Variants in SLC22A12 observed in about 807,000 individuals in gnomAD.
The protein encoded by SLC22A12 is organic anion transporter 4-like protein.
A neutral mutation model predicts 52.7 loss-of-function variants in SLC22A12; 56 were observed. That is an observed-to-expected ratio of 1.06 (90% CI 0.86 to 1.33). The LOEUF is 1.33. Among genes scored for constraint, SLC22A12 ranks in the 40% most tolerant of loss-of-function variants. SLC22A12 has a pLI of 0.00. For missense variants in SLC22A12, 683 were observed against 741.5 expected, an observed-to-expected ratio of 0.92 and a Z score of 0.92; for synonymous variants, 337 against 324.6, an observed-to-expected ratio of 1.04 and a Z score of -0.41.
chr11:64,602,031 C>A lies in SLC22A12; in HGVS notation c.*480C>A. 1 of 245,918 alleles carries A rather than the reference C, an allele frequency of 4.1e-6. No homozygotes were observed. Among genetic ancestry groups the A allele is most frequent in the Non-Finnish European group, 8.0e-6 (1 of 124,232 alleles). The allele number at this position is 245,918 out of a possible 1,614,324, so 15.2% of individuals were successfully genotyped here. ...AAGCCCTGTAAGCCTGGCCCCTGGCCCCTCCCCATGTCCCTCCAGGCCTCA... is the reference window on the plus strand; with the variant it reads ...AAGCCCTGTAAGCCTGGCCCCTGGCACCTCCCCATGTCCCTCCAGGCCTCA... On this transcript the variant is annotated 3_prime_UTR_variant, in exon 10 of 10. Coordinates refer to ENST00000377574, the MANE Select transcript of SLC22A12 (RefSeq NM_144585.4).
At position 64,601,608 on chromosome 11, in the gene SLC22A12, G is replaced by C; in HGVS notation, c.*57G>C. On this transcript the variant is annotated 3_prime_UTR_variant, in exon 10 of 10. Transcript: ENST00000377574. ...AGGAAGAGACTTCTTCTGTTCTCTG[G>C]AGAAGGCAGGAGGAAAGCAAAGACC... The C allele has an allele frequency of 6.3e-7, 1 of 1,580,374 alleles. No individual in the cohort carries two copies.
intron 2 of SLC22A12, 104 bp from the exon 3 acceptor site, chr11:64,593,301 T>C: frequency 1.3e-6 from 2 of 1,567,804 alleles, no homozygotes; most frequent in Non-Finnish European, 1.7e-6. Context: ...AGTGTCCGCC[T>C]CAGCTCAGCG....
chr11:64,593,733 G>T lies in SLC22A12; in HGVS notation c.760G>T (p.Gly254Cys), dbSNP rs376297536. The change falls in exon 4 of 10, where the codon GGT (glycine) becomes TGT (cysteine). Residue 254 changes from glycine to cysteine, a missense_variant. By Grantham distance (159) the Gly-to-Cys change is radical. Coordinates refer to ENST00000377574, the MANE Select transcript of SLC22A12 (RefSeq NM_144585.4). ...GHGLTAAVAY[G>C]VRDWTLLQLV... ...TGGCCTGACAGCTGCAGTGGCCTAC[G>T]GTGTGCGGGACTGGACACTGCTGCA... is the stretch of plus-strand genomic sequence containing the variant. 1.2e-6 allele frequency: 2 copies of T among 1,613,590 alleles called. No homozygotes were observed. The highest frequency in any genetic ancestry group is 1.7e-6 in the Non-Finnish European group (2 of 1,180,034).
intron 4 of SLC22A12, among the ~76,000 whole-genome samples, chr11:64,597,425 A>G (rs1243634237): frequency 1.3e-5 from 2 of 151,994 alleles, no homozygotes; most frequent in African/African-American, 4.8e-5. Context: ...ATCCCCACAC[A>G]CATCTCCTTA....
At position 64,593,645 on chromosome 11, in the gene SLC22A12, G is replaced by A; in HGVS notation, c.672G>A (p.Trp224Ter). ...MMNTGTLLME[W>*]TAARARPLVM... ...TCGGTCTCCTTGCAGTGATGGAGTG[G>A]ACGGCGGCACGGGCCCGACCCTTGG... Residue 224 changes from tryptophan to a stop codon, truncating the protein, a stop_gained, in exon 4 of 10, where the codon TGG becomes TGA. Coordinates refer to ENST00000377574, the MANE Select transcript of SLC22A12 (RefSeq NM_144585.4). LOFTEE classifies it high-confidence loss of function. The A allele has an allele frequency of 1.2e-6, 2 of 1,614,190 alleles. No individual in the cohort carries two copies. The highest frequency in any genetic ancestry group is 1.1e-5 in the South Asian group (1 of 91,090).
Position 64,600,745 on chromosome 11 carries a change from G to A in SLC22A12, c.1405G>A (p.Val469Met), listed in dbSNP as rs1405329512. ...CATCTGCATTGGCAGGATGACGGCA[G>A]TGGGCTTGGGCCAGATGGCAGCCCG... ...LFPTVLRMTAVGLGQMAARGG... is the reference protein window; with the variant it reads ...LFPTVLRMTAMGLGQMAARGG... Residue 469 changes from valine (V) to methionine (M), a missense_variant, in exon 9 of 10, where the codon GTG (valine) becomes ATG (methionine). Val to Met is a conservative substitution (Grantham distance 21). Coordinates refer to ENST00000377574, the MANE Select transcript of SLC22A12 (RefSeq NM_144585.4). The A allele has an allele frequency of 1.9e-6, 3 of 1,604,904 alleles. No homozygotes were observed. The highest frequency in any genetic ancestry group is 1.3e-5 in the African/African-American group (1 of 74,916).
At chr11:64,599,400 G>A (rs901339385) in intron 6 of SLC22A12, among the ~76,000 whole-genome samples, 1 of 152,104 alleles carries the variant, frequency 6.6e-6, no homozygotes, top group African/African-American at 2.4e-5. Flanking sequence ...CCCAAGCAGA[G>A]AGGGAGGCAG....
In SLC22A12 at chr11:64,598,829, G is replaced by A. The variant is rs751170234; in HGVS notation, c.976G>A (p.Glu326Lys). The stretch of plus-strand genomic sequence containing the variant: ...ACAGGTCTTGCTTTCAGCCATGCGG[G>A]AGGAGCTGAGCATGGGCCAGCCTCC... The part of the protein sequence containing the change: ...TPEVLLSAMR[E>K]ELSMGQPPAS... Residue 326 changes from glutamate (E) to lysine (K), a missense_variant, in exon 6 of 10, where the codon GAG becomes AAG. By Grantham distance (56) the Glu-to-Lys change is moderately conservative. Coordinates refer to ENST00000377574, the MANE Select transcript of SLC22A12 (RefSeq NM_144585.4). 2 of 1,612,532 alleles carry A rather than the reference G, an allele frequency of 1.2e-6. No individual in the cohort carries two copies. The highest frequency in any genetic ancestry group is 1.7e-6 in the Non-Finnish European group (2 of 1,179,978).
At chr11:64,593,888 G>A in intron 4 of SLC22A12, 85 bp downstream of exon 4, 7 of 1,537,364 alleles carry the variant, frequency 4.6e-6, no homozygotes, top group Non-Finnish European at 5.2e-6. Context: ...CTTTCCCTGG[G>A]GGCTGGGGAG....
chr11:64,597,623 C>T (rs2039290584), intron 4 of SLC22A12, among the ~76,000 whole-genome samples: 1 of 152,242 alleles, frequency 6.6e-6, no homozygotes, highest in Non-Finnish European at 1.5e-5. Flanking sequence ...CTGCAAATCC[C>T]TAAGGAGCTC....
Position 64,601,567 on chromosome 11 carries a change from GC to G in SLC22A12, c.*17del. 2.5e-6 allele frequency: 4 copies of G among 1,613,458 alleles called. No individual in the cohort carries two copies. The highest frequency in any genetic ancestry group is 3.4e-6 in the Non-Finnish European group (4 of 1,179,616). On this transcript the variant is annotated 3_prime_UTR_variant, in exon 10 of 10. Transcript: ENST00000377574. ...ACAGTTTTAGCCTCCTGGGGAACCTGCGATGGGACGGTCAGAGGAAGAGACT... is the reference window on the plus strand; with the variant it reads ...ACAGTTTTAGCCTCCTGGGGAACCTGGATGGGACGGTCAGAGGAAGAGACT...
Position 64,591,356 on chromosome 11 carries a change from G to T in SLC22A12, c.-201G>T. ...CCTCACGCGGCCTCAGGGCCCAGTT[G>T]GAGCCACCCCAAGTGACACCAGCAG... On this transcript the variant is annotated 5_prime_UTR_variant, in exon 1 of 10. Transcript: ENST00000377574. The T allele has an allele frequency of 1.5e-6, 1 of 682,516 alleles. No individual in the cohort carries two copies. 42.3% of individuals were successfully genotyped at this position (682,516 alleles called of 1,614,324 possible).
At chr11:64,599,591 G>GCCCCCCCCCCCCCCTTTTCC in intron 6 of SLC22A12, 85 bp from the exon 7 acceptor site, 1 of 617,180 alleles carries the variant, frequency 1.6e-6, no homozygotes. Flanking sequence ...CCCACCCTGA[G>GCCCCCCCCCCCCCCTTTTCC]CCCCCACCGC....
At position 64,592,828 on chromosome 11, in the gene SLC22A12, T is replaced by C; in HGVS notation, c.452T>C (p.Ile151Thr). ...GCTCTGAAGCCCATGGCCCAGTCCATCTACCTGGCTGGGATTCTGGTGGGA... is the reference window on the plus strand; with the variant it reads ...GCTCTGAAGCCCATGGCCCAGTCCACCTACCTGGCTGGGATTCTGGTGGGA... ...SHALKPMAQS[I>T]YLAGILVGAA... is the part of the protein sequence containing the mutation. The change falls in exon 2 of 10, where the codon ATC becomes ACC. Residue 151 changes from isoleucine to threonine, a missense_variant. Physicochemically the swap from Ile to Thr is moderately conservative, Grantham distance 89. Transcript: ENST00000377574. 2 of 1,613,966 alleles carry C rather than the reference T, an allele frequency of 1.2e-6. No homozygotes were observed. Among genetic ancestry groups the C allele is most frequent in the Admixed American group, 1.7e-5 (1 of 60,018 alleles).
Position 64,591,495 on chromosome 11 carries a change from T to C in SLC22A12, c.-62T>C, listed in dbSNP as rs1049911976. On this transcript the variant is annotated 5_prime_UTR_variant, in exon 1 of 10. Transcript: ENST00000377574. ...GGGAAACAGGCCCGTTGCCCTGGCCTCTTTGCCCTGGGCCAGCCTTTGTGA... is the reference window on the plus strand; with the variant it reads ...GGGAAACAGGCCCGTTGCCCTGGCCCCTTTGCCCTGGGCCAGCCTTTGTGA... The C allele has an allele frequency of 3.8e-6, 6 of 1,599,852 alleles. No individual in the cohort carries two copies. The highest frequency in any genetic ancestry group is 5.1e-6 in the Non-Finnish European group (6 of 1,178,324).
intron 4 of SLC22A12, among the ~76,000 whole-genome samples, chr11:64,596,836 G>A (rs1247690791): frequency 6.6e-6 from 1 of 152,174 alleles, no homozygotes; most frequent in East Asian, 1.9e-4. Flanking sequence ...ACCCCTCCTG[G>A]TTCTCATGCT....
intron 4 of SLC22A12, among the ~76,000 whole-genome samples, chr11:64,596,283 GAT>G (rs2039232790): frequency 6.9e-6 from 1 of 145,052 alleles, no homozygotes. Flanking sequence ...TGGATGGATG[GAT>G]GGATGGCTGA....
intron 4 of SLC22A12, among the ~76,000 whole-genome samples, chr11:64,595,374 G>A (rs2039125343): frequency 7.6e-6 from 1 of 132,094 alleles, no homozygotes; most frequent in African/African-American, 2.8e-5. Flanking sequence ...TGGATGGATG[G>A]ATGGATGGAT....
Position 64,601,813 on chromosome 11 carries a change from G to A in SLC22A12, c.*262G>A. Reference sequence around the variant, plus strand: ...CACCATCACCCTGCCCTGCCCTCGTGGCTTCGGAGAGCAGAGGGGTCAGGC... The same window carrying A: ...CACCATCACCCTGCCCTGCCCTCGTAGCTTCGGAGAGCAGAGGGGTCAGGC... On this transcript the variant is annotated 3_prime_UTR_variant, in exon 10 of 10. Coordinates refer to ENST00000377574, the MANE Select transcript of SLC22A12 (RefSeq NM_144585.4). 3 of 467,530 alleles carry A rather than the reference G, an allele frequency of 6.4e-6. No individual in the cohort carries two copies. Among genetic ancestry groups the A allele is most frequent in the South Asian group, 6.1e-5 (3 of 49,048 alleles). The allele number at this position is 467,530 out of a possible 1,614,324, so 29.0% of individuals were successfully genotyped here. A position where few individuals can be genotyped will look rare whatever the true frequency, so the allele number is the denominator to read the frequency against.
Sources: gnomAD v4.1 joint callset for allele counts (sites outside exome capture counted in the v4.1 genomes callset) on GRCh38, gnomAD v4.1.1 for gene constraint, MANE v1.5 for transcripts, NCBI Gene and HGNC (gene_info 2026-07-23, HGNC 2026-07-21) for gene names.